Variants in COL10A1 observed in about 807,000 individuals in gnomAD.
COL10A1 encodes collagen type X alpha 1 chain, also known as collagen alpha-1(X) chain.
COL10A1 carries 10 observed loss-of-function variants against 18.2 expected under a neutral mutation model. That is an observed-to-expected ratio of 0.55 (90% confidence interval 0.34 to 0.93). COL10A1 has a LOEUF of 0.93. Ranked by LOEUF, COL10A1 falls within the 40% of genes least tolerant of loss-of-function variation. COL10A1 has a pLI of 0.02. For missense variants in COL10A1, 897 were observed against 853.5 expected, an observed-to-expected ratio of 1.05 and a Z score of -0.64; for synonymous variants, 330 against 316.6, an observed-to-expected ratio of 1.04 and a Z score of -0.45.
chr6:116,149,655 A>G (rs533598970), intron 1 of COL10A1, among the ~76,000 whole-genome samples: 2 of 152,232 alleles, frequency 1.3e-5, no homozygotes, highest in South Asian at 4.1e-4. Context: ...TGCCTGGTGG[A>G]GACACTGAAT....
At chr6:116,122,067 C>T in intron 2 of COL10A1, 106 bp from the exon 3 acceptor site, 1 of 969,668 alleles carries the variant, frequency 1.0e-6, no homozygotes, top group Non-Finnish European at 1.6e-6. Context: ...ATTTCAGCAT[C>T]ATTTATTCCA....
At chr6:116,133,868 G>A (rs1425695142) in intron 1 of COL10A1, among the ~76,000 whole-genome samples, 3 of 152,106 alleles carry the variant, frequency 2.0e-5, no homozygotes, top group Non-Finnish European at 4.4e-5. Flanking sequence ...TGGGAAAAAT[G>A]TAACAAATAG....
chr6:116,183,646 AT>A, the COL10A1 span, among the ~76,000 whole-genome samples: 661 of 146,666 alleles, frequency 4.5e-3, 7 homozygotes, highest in African/African-American at 0.012. Context: ...TTATTTTATT[AT>A]TTTTTTTTTG....
the COL10A1 span, among the ~76,000 whole-genome samples, chr6:116,171,086 C>CT: frequency 4.5e-4 from 67 of 148,936 alleles, 1 homozygote; most frequent in East Asian, 0.011. Flanking sequence ...TAGAAGTCAT[C>CT]TTTTTTTTTT....
At chr6:116,163,141 A>AAAAAAAAAAATATATAT (rs761718922), upstream of COL10A1, among the ~76,000 whole-genome samples, 6 of 88,406 alleles carry the variant, frequency 6.8e-5, no homozygotes, top group African/African-American at 3.5e-4. Flanking sequence ...AAAAAAAAAA[A>AAAAAAAAAAATATATAT]ATATATATAT....
At chr6:116,155,752 TAAA>T (rs58270869) in intron 1 of COL10A1, among the ~76,000 whole-genome samples, 29 of 114,584 alleles carry the variant, frequency 2.5e-4, no homozygotes, top group African/African-American at 6.7e-4. Context: ...TACTTCTCCT[TAAA>T]AAAAAAAAAA....
intron 1 of COL10A1, among the ~76,000 whole-genome samples, chr6:116,142,360 CAT>C (rs1229166395): frequency 6.6e-6 from 1 of 151,432 alleles, no homozygotes. Flanking sequence ...AAATTAATAA[CAT>C]AAAAACCACA....
the COL10A1 span, among the ~76,000 whole-genome samples, chr6:116,194,271 A>G: frequency 6.6e-6 from 1 of 152,218 alleles, no homozygotes; most frequent in East Asian, 1.9e-4. Context: ...TAAAAATGGA[A>G]CTCTAAAAAT....
chr6:116,180,880 C>A, the COL10A1 span, among the ~76,000 whole-genome samples: 2 of 151,974 alleles, frequency 1.3e-5, no homozygotes, highest in African/African-American at 4.8e-5. Flanking sequence ...TTTCAGTCAA[C>A]CAAACCAATT....
chr6:116,144,317 A>G (rs1028996721), intron 1 of COL10A1, among the ~76,000 whole-genome samples: 8 of 152,174 alleles, frequency 5.3e-5, no homozygotes, highest in South Asian at 2.1e-4. Context: ...CCTGGCCAAC[A>G]TGGTGAAACC....
the COL10A1 span, among the ~76,000 whole-genome samples, chr6:116,178,104 T>TGCGCGC: frequency 9.9e-6 from 1 of 101,032 alleles, no homozygotes; most frequent in African/African-American, 4.5e-5. Flanking sequence ...CGCGCGCGCG[T>TGCGCGC]GCGTGCGTGT....
chr6:116,170,290 G>A, the COL10A1 span, among the ~76,000 whole-genome samples: 5 of 152,130 alleles, frequency 3.3e-5, no homozygotes. Context: ...GAAGATAATT[G>A]TGGTGTATAT....
chr6:116,125,782 A>G, intron 1 of COL10A1: 1 of 298,644 alleles, frequency 3.3e-6, no homozygotes, highest in Admixed American at 4.8e-5. Context: ...GTCTGTATTA[A>G]ATAATCTAGG....
At position 116,120,872 on chromosome 6, in the gene COL10A1, C is replaced by T. The variant is rs143728723; in HGVS notation, c.1244G>A (p.Gly415Glu). The change falls in exon 3 of 3, where the codon GGA becomes GAA. Residue 415 changes from glycine (G) to glutamate (E), a missense_variant. Transcript: ENST00000651968. ...AGGGCCTGGGAGACCAGGAGGTCCT[C>T]CAACTCCAGGATCACCTTTTGGACC... ...LPGPKGDPGV[G>E]GPPGLPGPVG... 1.4e-5 allele frequency: 23 copies of T among 1,613,766 alleles called. No homozygotes were observed. In the African/African-American group the frequency reaches 2.7e-4, roughly 19 times the overall value.
At chr6:116,187,603 C>T in the COL10A1 span, among the ~76,000 whole-genome samples, 2 of 152,024 alleles carry the variant, frequency 1.3e-5, no homozygotes, top group Non-Finnish European at 2.9e-5. Context: ...ACAGGTACAG[C>T]AGAGCAGTGG....
At chr6:116,157,839 C>G (rs1209196418) in intron 1 of COL10A1, among the ~76,000 whole-genome samples, 3 of 152,170 alleles carry the variant, frequency 2.0e-5, no homozygotes, top group Non-Finnish European at 4.4e-5. Context: ...TATTCAGGAT[C>G]CTTCTGAAAG....
rs1445297941 is a variant in COL10A1 at position 116,119,323 on chromosome 6, A to G, written c.*750T>C. The G allele has an allele frequency of 1.3e-5, 2 of 152,502 alleles. No homozygotes were observed. Among genetic ancestry groups the G allele is most frequent in the African/African-American group, 4.8e-5 (2 of 41,460 alleles). 9.4% of individuals were successfully genotyped at this position (152,502 alleles called of 1,614,324 possible). On this transcript the variant is annotated 3_prime_UTR_variant, in exon 3 of 3. Transcript: ENST00000651968. The stretch of plus-strand genomic sequence containing the variant: ...CAAATTAATCACACTTGTGTTAACT[A>G]AATAAGAATAGGTCAGATACCTGTT...
chr6:116,138,529 A>G (rs1178160588), intron 1 of COL10A1, among the ~76,000 whole-genome samples: 1 of 152,226 alleles, frequency 6.6e-6, no homozygotes, highest in African/African-American at 2.4e-5. Context: ...AGAATTTGCT[A>G]ATTAAAAACG....
intron 1 of COL10A1, among the ~76,000 whole-genome samples, chr6:116,136,283 G>A (rs1486785867): frequency 1.3e-5 from 2 of 151,858 alleles, no homozygotes; most frequent in Non-Finnish European, 2.9e-5. Flanking sequence ...CTTTTTTAAG[G>A]CTGAATAATA....
Sources: allele counts gnomAD v4.1 joint callset (sites outside exome capture counted in the v4.1 genomes callset), GRCh38; gene constraint gnomAD v4.1.1; transcripts MANE v1.5; gene names NCBI Gene and HGNC (gene_info 2026-07-23, HGNC 2026-07-21).